The following TMEM63A variants were observed in gnomAD, a reference collection of about 807,000 sequenced individuals.
The protein encoded by TMEM63A is mechanosensitive cation channel TMEM63A.
TMEM63A carries 76 observed loss-of-function variants against 100.6 expected under a neutral mutation model. The ratio of observed to expected loss-of-function variants is 0.76; its 90% confidence interval spans 0.63 to 0.91. TMEM63A has a LOEUF of 0.91. TMEM63A is among the 40% of genes least tolerant of loss of function. The pLI is 0.00. For synonymous variants in TMEM63A, 401 were observed against 401.1 expected (o/e 1.00, Z 0.00); for missense variants, 876 against 1,008.8 (o/e 0.87, Z 1.78).
At chr1:225,849,564 G>A (rs1669219076) in intron 21 of TMEM63A, among the ~76,000 whole-genome samples, 1 of 152,238 alleles carries the variant, frequency 6.6e-6, no homozygotes, top group Admixed American at 6.5e-5. Context: ...CTCCAGGGAT[G>A]TATGGGACAA....
rs1559037936 is a variant in TMEM63A at position 225,855,865 on chromosome 1, TG to T, written c.1634+12del. 6.2e-7 allele frequency: 1 copy of T among 1,613,756 alleles called. No homozygotes were observed. On this transcript the variant is annotated intron_variant, in intron 18 of 24. Coordinates refer to ENST00000366835, the MANE Select transcript of TMEM63A (RefSeq NM_014698.3). ...AGGGCCATGGCTCCAGAACTCAACT[TG>T]GCAATACTCACTCCAACCTGATGGA...
At position 225,877,657 on chromosome 1, in the gene TMEM63A, C is replaced by T. The variant is rs2102648771; in HGVS notation, c.-14-63G>A. ...GGCTCAAATTTCTTGCAGGTTCCCA[C>T]CAGTGCTGGCAGAGCCAAAGGCAGG... On this transcript the variant is annotated intron_variant, in intron 2 of 24. Transcript: ENST00000366835. 8.1e-6 allele frequency: 12 copies of T among 1,486,148 alleles called. No homozygotes were observed. The South Asian group carries it at 1.3e-4, about 16-fold the overall frequency. 92.1% of individuals were successfully genotyped at this position (1,486,148 alleles called of 1,614,324 possible).
rs774692508 is a variant in TMEM63A, at chr1:225,868,521, T to TAA, written c.372-493_372-492dup. 5.3e-5 allele frequency among the ~76,000 whole-genome samples: 7 copies of TAA among 133,324 alleles called. No homozygotes were observed. In the South Asian group the frequency reaches 1.2e-3, roughly 22 times the overall value. The allele number at this position is 133,324 out of a possible 152,430, so 87.5% of individuals were successfully genotyped here. On this transcript the variant is annotated intron_variant, in intron 6 of 24. Coordinates refer to ENST00000366835, the MANE Select transcript of TMEM63A (RefSeq NM_014698.3). ...TGAAACTGTCTCTACTAAAAAATAC[T>TAA]AAAAAAAAAAAAAAATTAGCCAAGT...
downstream of TMEM63A, among the ~76,000 whole-genome samples, chr1:225,841,601 CTTT>C (rs35827447): frequency 5.7e-5 from 6 of 104,418 alleles, no homozygotes; most frequent in African/African-American, 7.7e-5. Flanking sequence ...CTGTCCCAGC[CTTT>C]TTTTTTTTTT....
chr1:225,852,716 G>C lies in TMEM63A; in HGVS notation c.1851C>G (p.Val617=). 1.2e-6 allele frequency: 2 copies of C among 1,613,942 alleles called. No individual in the cohort carries two copies. Among genetic ancestry groups the C allele is most frequent in the Non-Finnish European group, 1.7e-6 (2 of 1,180,034 alleles). ...TGCTGTAGGCCACGATGACAGTGAA[G>C]ACACACAGCATCCATGCATACATGG... The part of the protein sequence containing the change: ...FGAMYAWMLC[V]FTVIVAYSIT... The change falls in exon 20 of 25, where the codon GTC becomes GTG. Residue 617 remains valine (V), a synonymous_variant. Transcript: ENST00000366835.
Position 225,848,960 on chromosome 1 carries a change from G to T in TMEM63A, c.2124C>A (p.Ile708=). ...LFTFLVLLLT[I]LVCLAHTCFG... is the part of the protein sequence containing the mutation. ...AGCAGGTGTGAGCCAGGCAGACCAG[G>T]ATGGTGAGCAGCAGCACCAGGAAGG... Residue 708 remains isoleucine, a synonymous_variant, in exon 22 of 25, where the codon ATC becomes ATA. Transcript: ENST00000366835. 6.3e-7 allele frequency: 1 copy of T among 1,588,546 alleles called. No homozygotes were observed. Among genetic ancestry groups the T allele is most frequent in the South Asian group, 1.1e-5 (1 of 88,732 alleles).
At position 225,856,719 on chromosome 1, in the gene TMEM63A, T is replaced by G. The variant is rs1559038578; in HGVS notation, c.1504A>C (p.Met502Leu). 3 of 1,613,926 alleles carry G rather than the reference T, an allele frequency of 1.9e-6. No individual in the cohort carries two copies. Among genetic ancestry groups the G allele is most frequent in the Non-Finnish European group, 2.5e-6 (3 of 1,179,968 alleles). The change falls in exon 17 of 25, where the codon ATG (methionine) becomes CTG (leucine). Residue 502 changes from methionine (M) to leucine (L), a missense_variant. By Grantham distance (15) the Met-to-Leu change is conservative. Transcript: ENST00000366835. ...HWTKSGENQIMMTKVYIFLIF... is the reference protein window; with the variant it reads ...HWTKSGENQILMTKVYIFLIF... ...AAGAATATGTAGACTTTGGTCATCATGATCTGGTTTTCCCCCGACCTGCAG... is the reference window on the plus strand; with the variant it reads ...AAGAATATGTAGACTTTGGTCATCAGGATCTGGTTTTCCCCCGACCTGCAG...
At chr1:225,840,651 C>G (rs1426596482), downstream of TMEM63A, among the ~76,000 whole-genome samples, 1 of 152,206 alleles carries the variant, frequency 6.6e-6, no homozygotes, top group African/African-American at 2.4e-5. Context: ...ATTCATTTGC[C>G]TCTATGAACA....
Position 225,872,030 on chromosome 1 carries a change from G to A in TMEM63A, c.290C>T (p.Ser97Leu). The change falls in exon 5 of 25, where the codon TCA (serine) becomes TTA (leucine). Residue 97 changes from serine to leucine, a missense_variant. Around this residue, in one of 5 missense-constraint regions of TMEM63A, gnomAD observed 487 missense variants for 581.9 expected, o/e 0.84. Coordinates refer to ENST00000366835, the MANE Select transcript of TMEM63A (RefSeq NM_014698.3). ...ADSESRFQRL[S>L]STSSSGQQDF... ...TTGTTGACCTGAGGAGGAAGTCGAT[G>A]ACAATCTCTGAAATCTGGACTCGCT... The A allele has an allele frequency of 6.2e-7, 1 of 1,611,634 alleles. No individual in the cohort carries two copies. Among genetic ancestry groups the A allele is most frequent in the Non-Finnish European group, 8.5e-7 (1 of 1,179,022 alleles).
intron 3 of TMEM63A, among the ~76,000 whole-genome samples, chr1:225,875,871 C>T (rs1472471710): frequency 1.3e-5 from 2 of 151,810 alleles, no homozygotes; most frequent in African/African-American, 4.8e-5. Context: ...TGAGACCAGC[C>T]TAGGCAACAT....
intron 21 of TMEM63A, 79 bp downstream of exon 21, chr1:225,849,833 C>T: frequency 6.5e-7 from 1 of 1,538,280 alleles, no homozygotes; most frequent in Non-Finnish European, 8.8e-7. Flanking sequence ...GCTGTGAAAG[C>T]AATGAGGGAT....
At chr1:225,864,170 C>T (rs912952824) in intron 10 of TMEM63A, 1 of 152,064 alleles carries the variant, frequency 6.6e-6, no homozygotes, top group Non-Finnish European at 1.5e-5. Context: ...CATGCAATAC[C>T]CCCTCACCAT....
In TMEM63A at chr1:225,847,336, C is replaced by T. The variant is rs1669065411; in HGVS notation, c.2251-123G>A. On this transcript the variant is annotated intron_variant, in intron 23 of 24. Coordinates refer to ENST00000366835, the MANE Select transcript of TMEM63A (RefSeq NM_014698.3). ...GCCATAAAGGACATATGAAGAAACA[C>T]CGACATCCATTTAGGACATTAAGAC... is the stretch of plus-strand genomic sequence containing the variant. 2.4e-6 allele frequency: 3 copies of T among 1,252,198 alleles called. No homozygotes were observed. In the South Asian group the frequency reaches 4.7e-5, roughly 20 times the overall value. 77.6% of individuals were successfully genotyped at this position (1,252,198 alleles called of 1,614,324 possible).
downstream of TMEM63A, among the ~76,000 whole-genome samples, chr1:225,843,995 G>A (rs1030821053): frequency 6.6e-6 from 1 of 152,182 alleles, no homozygotes; most frequent in East Asian, 1.9e-4. Flanking sequence ...TGGAAGGTGG[G>A]GTGGGGGCTG....
Position 225,865,713 on chromosome 1 carries a change from C to T in TMEM63A, c.746+184G>A. The T allele has an allele frequency of 1.6e-6, 1 of 614,996 alleles. No homozygotes were observed. The highest frequency in any genetic ancestry group is 2.9e-6 in the Non-Finnish European group (1 of 347,060). The allele number at this position is 614,996 out of a possible 1,614,324, so 38.1% of individuals were successfully genotyped here. A position where few individuals can be genotyped will look rare whatever the true frequency, so the allele number is the denominator to read the frequency against. On this transcript the variant is annotated intron_variant, in intron 10 of 24. Transcript: ENST00000366835. This position sits in a 1 kb window ranked among gnomAD's most constrained non-coding sequence, Gnocchi z 4.6. ...CCAGGGCGCTATTCACTGCACAGCACCAGCAGGGCTGGCACACAGGAGCCA... is the reference window on the plus strand; with the variant it reads ...CCAGGGCGCTATTCACTGCACAGCATCAGCAGGGCTGGCACACAGGAGCCA...
chr1:225,878,232 A>G (rs1020003691), intron 2 of TMEM63A, among the ~76,000 whole-genome samples: 4 of 139,244 alleles, frequency 2.9e-5, no homozygotes, highest in African/African-American at 1.0e-4. Context: ...AAGGTTAAGG[A>G]GCTGGTCAGG....
chr1:225,869,666 C>CTTTTCTTTTCTT (rs76862516), intron 6 of TMEM63A, among the ~76,000 whole-genome samples: 2 of 109,908 alleles, frequency 1.8e-5, no homozygotes, highest in African/African-American at 7.1e-5. Flanking sequence ...CTTTTCTTTT[C>CTTTTCTTTTCTT]TTTTTTTTTT....
intron 6 of TMEM63A, among the ~76,000 whole-genome samples, chr1:225,869,529 T>C (rs953868514): frequency 2.6e-5 from 4 of 152,180 alleles, no homozygotes; most frequent in African/African-American, 9.7e-5. Flanking sequence ...AGGCTGAGCA[T>C]ATGTTATCCT....
At chr1:225,860,434 A>G (rs1669881462) in intron 14 of TMEM63A, 1 of 154,066 alleles carries the variant, frequency 6.5e-6, no homozygotes. Context: ...CTAGAAGTGT[A>G]AAATACACAC....
Sources: allele counts gnomAD v4.1 joint callset (sites outside exome capture counted in the v4.1 genomes callset), GRCh38; gene constraint gnomAD v4.1.1; regional missense constraint gnomAD v4.1.1; non-coding constraint Gnocchi (gnomAD v3.1); transcripts MANE v1.5; gene names NCBI Gene and HGNC (gene_info 2026-07-23, HGNC 2026-07-21).